Variants in NACC1 observed in about 807,000 individuals in gnomAD.
The protein encoded by NACC1 is nucleus accumbens-associated protein 1.
In NACC1, 6 loss-of-function variants were observed where a neutral mutation model predicts 41.7. That is an observed-to-expected ratio of 0.14 (90% CI 0.08 to 0.28). The LOEUF is 0.28. Ranked by LOEUF, NACC1 falls within the 10% of genes least tolerant of loss-of-function variation. The probability of loss-of-function intolerance (pLI) is 1.00; values close to 1 mark genes in which losing one functional copy is unlikely to be tolerated. For missense variants in NACC1, 434 were observed against 763.7 expected (o/e 0.57, Z 5.09); for synonymous variants, 338 against 330.6 (o/e 1.02, Z -0.24).
chr19:13,126,715 C>T (rs564802883), intron 1 of NACC1, among the ~76,000 whole-genome samples: 5 of 152,296 alleles, frequency 3.3e-5, no homozygotes, highest in Non-Finnish European at 5.9e-5. Context: ...TCTGTCTGCC[C>T]AGCCACAGAT....
At chr19:13,122,848 G>A (rs975727442) in intron 1 of NACC1, among the ~76,000 whole-genome samples, 1 of 152,162 alleles carries the variant, frequency 6.6e-6, no homozygotes. Context: ...CCAGCACGGG[G>A]CCAGGGGATA....
At chr19:13,121,291 G>A (rs1285391821) in intron 1 of NACC1, among the ~76,000 whole-genome samples, 2 of 152,160 alleles carry the variant, frequency 1.3e-5, no homozygotes, top group African/African-American at 2.4e-5. Context: ...TCTTCTGAGT[G>A]CTCTAAACAT....
intron 1 of NACC1, among the ~76,000 whole-genome samples, chr19:13,133,754 G>A (rs949133426): frequency 3.3e-5 from 5 of 152,178 alleles, no homozygotes; most frequent in African/African-American, 1.2e-4. Context: ...GGTTTTCAAT[G>A]CAGGCAAATG....
chr19:13,130,407 A>G (rs1405232630), intron 1 of NACC1, among the ~76,000 whole-genome samples: 2 of 151,708 alleles, frequency 1.3e-5, no homozygotes, highest in African/African-American at 2.4e-5. Flanking sequence ...CACATTTACA[A>G]ATATTTACTG....
At chr19:13,127,309 A>G (rs910529463) in intron 1 of NACC1, among the ~76,000 whole-genome samples, 1 of 138,516 alleles carries the variant, frequency 7.2e-6, no homozygotes, top group Non-Finnish European at 1.5e-5. Context: ...CAGCCCAGGC[A>G]ATATAGTGAG....
At chr19:13,128,787 A>G (rs570095582) in intron 1 of NACC1, among the ~76,000 whole-genome samples, 10 of 152,204 alleles carry the variant, frequency 6.6e-5, no homozygotes, top group African/African-American at 2.4e-4. Context: ...CCTGGCAAAT[A>G]TTTATTGAGT....
At position 13,136,427 on chromosome 19, in the gene NACC1, T is replaced by A. The variant is rs766611720; in HGVS notation, c.1120+22T>A. The A allele has an allele frequency of 6.3e-7, 1 of 1,596,394 alleles. No homozygotes were observed. Among genetic ancestry groups the A allele is most frequent in the Non-Finnish European group, 8.5e-7 (1 of 1,170,894 alleles). On this transcript the variant is annotated intron_variant, in intron 3 of 5. Transcript: ENST00000292431. This position sits in a 1 kb window ranked among gnomAD's most constrained non-coding sequence, Gnocchi z 5.5. The stretch of plus-strand genomic sequence containing the variant: ...ACAGGTGGGCCGGTCTCGCCCCAGA[T>A]CTCTCCCCTCCGCAGCTTTGGAGCC...
intron 1 of NACC1, among the ~76,000 whole-genome samples, chr19:13,128,304 C>G (rs900788587): frequency 1.3e-5 from 2 of 152,186 alleles, no homozygotes; most frequent in African/African-American, 4.8e-5. Flanking sequence ...AAACAACAGA[C>G]ATTTATATTT....
rs1383710501 is a variant in NACC1 at position 13,137,679 on chromosome 19, G to A, written c.1324+104G>A. On this transcript the variant is annotated intron_variant, in intron 5 of 5. Coordinates refer to ENST00000292431, the MANE Select transcript of NACC1 (RefSeq NM_052876.4). This position sits in a 1 kb window ranked among gnomAD's most constrained non-coding sequence, Gnocchi z 6.1. ...GAGGGCTAGAGTTCAGTGTTGAGAAGCATTCTGGGGCTCATTCTAGCCTTG... is the reference window on the plus strand; with the variant it reads ...GAGGGCTAGAGTTCAGTGTTGAGAAACATTCTGGGGCTCATTCTAGCCTTG... 9.0e-6 allele frequency: 8 copies of A among 893,534 alleles called. No homozygotes were observed. The highest frequency in any genetic ancestry group is 2.7e-5 in the Admixed American group (1 of 37,024). 55.4% of individuals were successfully genotyped at this position (893,534 alleles called of 1,614,324 possible).
Position 13,135,755 on chromosome 19 carries a change from A to T in NACC1, c.548A>T (p.Lys183Met). The T allele has an allele frequency of 6.4e-7, 1 of 1,560,334 alleles. No individual in the cohort carries two copies. Among genetic ancestry groups the T allele is most frequent in the Non-Finnish European group, 8.7e-7 (1 of 1,153,970 alleles). The change falls in exon 2 of 6, where the codon AAG (lysine) becomes ATG (methionine). Residue 183 changes from lysine to methionine, a missense_variant. Coordinates refer to ENST00000292431, the MANE Select transcript of NACC1 (RefSeq NM_052876.4). ...TCCGTGCAGTGCATGCCCGTGGCCAAGCGGCTGTGGGACAGTGGCCAGAAG... is the reference window on the plus strand; with the variant it reads ...TCCGTGCAGTGCATGCCCGTGGCCATGCGGCTGTGGGACAGTGGCCAGAAG... The part of the protein sequence containing the change: ...SDSVQCMPVA[K>M]RLWDSGQKEA...
Position 13,135,402 on chromosome 19 carries a change from C to T in NACC1, c.195C>T (p.Ala65=), listed in dbSNP as rs753939687. 6.4e-5 allele frequency: 103 copies of T among 1,613,222 alleles called. No individual in the cohort carries two copies. The highest frequency in any genetic ancestry group is 1.2e-4 in the Admixed American group (7 of 59,978). The change falls in exon 2 of 6, where the codon GCC becomes GCT. Residue 65 remains alanine, a synonymous_variant. Coordinates refer to ENST00000292431, the MANE Select transcript of NACC1 (RefSeq NM_052876.4). ...FRDLFNNSRS[A]VVELPAAVQP... ...ACCTGTTCAACAACAGCCGCAGCGC[C>T]GTGGTGGAGCTGCCGGCGGCTGTGC...
upstream of NACC1, among the ~76,000 whole-genome samples, chr19:13,117,280 C>G (rs2145604493): frequency 6.6e-6 from 1 of 152,322 alleles, no homozygotes; most frequent in African/African-American, 2.4e-5. Context: ...CCAGTCTCAG[C>G]TCGCCCTGCG....
At chr19:13,117,399 A>T (rs545982479), upstream of NACC1, 1 of 152,282 alleles carries the variant, frequency 6.6e-6, no homozygotes, top group Non-Finnish European at 1.5e-5. Flanking sequence ...TGCAGGTAAA[A>T]TGCTAACAGA....
At position 13,138,418 on chromosome 19, in the gene NACC1, TC is replaced by T. The variant is rs779664401; in HGVS notation, c.*15del. On this transcript the variant is annotated 3_prime_UTR_variant, in exon 6 of 6. Transcript: ENST00000292431. This position sits in a 1 kb window ranked among gnomAD's most constrained non-coding sequence, Gnocchi z 5.7. ...AAGCCCTGCAGTAACCCGCCCAGCCTCCCGCGGGGCCACACACTTCCCCTCC... is the reference window on the plus strand; with the variant it reads ...AAGCCCTGCAGTAACCCGCCCAGCCTCCGCGGGGCCACACACTTCCCCTCC... The T allele has an allele frequency of 1.2e-6, 2 of 1,606,394 alleles. No individual in the cohort carries two copies. The highest frequency in any genetic ancestry group is 1.7e-6 in the Non-Finnish European group (2 of 1,179,042).
intron 1 of NACC1, among the ~76,000 whole-genome samples, chr19:13,122,532 G>GC (rs1568381882): frequency 1.3e-5 from 2 of 150,914 alleles, no homozygotes; most frequent in South Asian, 2.1e-4. Flanking sequence ...CCGGGGGGGG[G>GC]GGGGTGTGCT....
intron 1 of NACC1, among the ~76,000 whole-genome samples, chr19:13,126,568 C>A (rs1017559380): frequency 6.6e-6 from 1 of 152,110 alleles, no homozygotes; most frequent in African/African-American, 2.4e-5. Context: ...TTACTACTCC[C>A]AGGAATCATC....
At chr19:13,122,737 G>A (rs1374735555) in intron 1 of NACC1, among the ~76,000 whole-genome samples, 1 of 152,140 alleles carries the variant, frequency 6.6e-6, no homozygotes, top group African/African-American at 2.4e-5. Flanking sequence ...AGGCTCTGGG[G>A]AAAACCCCAG....
intron 1 of NACC1, among the ~76,000 whole-genome samples, chr19:13,126,270 C>G (rs2019560530): frequency 6.6e-6 from 1 of 152,060 alleles, no homozygotes; most frequent in Admixed American, 6.6e-5. Flanking sequence ...GTCTCTATCT[C>G]CTGACCTCGT....
chr19:13,138,291 C>T lies in NACC1; in HGVS notation c.1469C>T (p.Thr490Ile), dbSNP rs1371334409. ...CTCAAGGCTGAGGATGACGCCTACA[C>T]CACCTTCATCAGTGAAACGGGCAAG... is the stretch of plus-strand genomic sequence containing the variant. ...KVLKAEDDAY[T>I]TFISETGKIE... The change falls in exon 6 of 6, where the codon ACC (threonine) becomes ATC (isoleucine). Residue 490 changes from threonine (T) to isoleucine (I), a missense_variant. Around this residue, in one of 4 missense-constraint regions of NACC1, gnomAD observed 63 missense variants for 68.4 expected, o/e 0.92. Coordinates refer to ENST00000292431, the MANE Select transcript of NACC1 (RefSeq NM_052876.4). The surrounding 1 kb of genome is among the most constrained non-coding windows in gnomAD (Gnocchi z 5.7). 6.2e-7 allele frequency: 1 copy of T among 1,614,234 alleles called. No individual in the cohort carries two copies. Among genetic ancestry groups the T allele is most frequent in the East Asian group, 2.2e-5 (1 of 44,888 alleles).
Sources: gnomAD v4.1 joint callset for allele counts (sites outside exome capture counted in the v4.1 genomes callset) on GRCh38, gnomAD v4.1.1 for gene constraint, gnomAD v4.1.1 regional missense constraint, Gnocchi (gnomAD v3.1) non-coding constraint, MANE v1.5 for transcripts, NCBI Gene and HGNC (gene_info 2026-07-23, HGNC 2026-07-21) for gene names.